The following PEX14 variants were observed in gnomAD, a reference collection of about 807,000 sequenced individuals.
The protein encoded by PEX14 is peroxisomal membrane protein PEX14.
Under a neutral mutation model 49.5 loss-of-function variants are expected in PEX14, and 15 were observed. That is an observed-to-expected ratio of 0.30 (90% CI 0.20 to 0.47). The LOEUF is 0.47. Ranked by LOEUF, PEX14 falls within the 20% of genes least tolerant of loss-of-function variation. The probability of loss-of-function intolerance (pLI) is 1.00; values close to 1 mark genes in which losing one functional copy is unlikely to be tolerated. For missense variants in PEX14, 398 were observed against 494.8 expected, an observed-to-expected ratio of 0.80 and a Z score of 1.86; for synonymous variants, 210 against 212.7, an observed-to-expected ratio of 0.99 and a Z score of 0.11.
At chr1:10,565,972 T>G (rs147943676) in intron 3 of PEX14, among the ~76,000 whole-genome samples, 2 of 152,372 alleles carry the variant, frequency 1.3e-5, no homozygotes, top group East Asian at 3.9e-4. Context: ...TTTATTTACA[T>G]GTCTGTCTAT....
intron 2 of PEX14, among the ~76,000 whole-genome samples, chr1:10,511,465 G>T (rs539300482): frequency 2.0e-5 from 3 of 152,108 alleles, no homozygotes; most frequent in Non-Finnish European, 4.4e-5. Context: ...TCTCCCCTCA[G>T]ATTTTTGTGT....
intron 1 of PEX14, among the ~76,000 whole-genome samples, chr1:10,486,927 T>G (rs1254402090): frequency 1.3e-5 from 2 of 152,048 alleles, no homozygotes; most frequent in Non-Finnish European, 2.9e-5. Context: ...GACCCTGTGA[T>G]CTGCCCACCT....
chr1:10,477,278 G>A (rs1157973599), intron 1 of PEX14, among the ~76,000 whole-genome samples: 3 of 152,030 alleles, frequency 2.0e-5, no homozygotes, highest in Non-Finnish European at 2.9e-5. Flanking sequence ...CACCGTGTTA[G>A]CCAGGATGGT....
intron 2 of PEX14, among the ~76,000 whole-genome samples, chr1:10,510,850 G>C (rs1261262352): frequency 6.6e-6 from 1 of 152,222 alleles, no homozygotes; most frequent in Non-Finnish European, 1.5e-5. Context: ...CCGATGTTCA[G>C]TGGATGACTG....
intron 3 of PEX14, among the ~76,000 whole-genome samples, chr1:10,561,141 A>G (rs1416125584): frequency 6.6e-6 from 1 of 152,218 alleles, no homozygotes; most frequent in African/African-American, 2.4e-5. Flanking sequence ...TTACTTCAGC[A>G]TATACCTCCT....
intron 5 of PEX14, among the ~76,000 whole-genome samples, chr1:10,622,620 G>A (rs1048284286): frequency 5.9e-5 from 9 of 152,120 alleles, no homozygotes; most frequent in Admixed American, 1.3e-4. Context: ...CGCCTCCCTC[G>A]CCTCCTGGAG....
At chr1:10,505,270 A>G (rs897180217) in intron 2 of PEX14, among the ~76,000 whole-genome samples, 2 of 151,994 alleles carry the variant, frequency 1.3e-5, no homozygotes, top group African/African-American at 4.8e-5. Context: ...AGGAGTTTTG[A>G]GATCAGCCTG....
intron 7 of PEX14, among the ~76,000 whole-genome samples, chr1:10,626,224 G>A (rs1641740931): frequency 6.6e-6 from 1 of 152,178 alleles, no homozygotes; most frequent in East Asian, 1.9e-4. Context: ...TATGCGTTTG[G>A]AAATCTGAGT....
At chr1:10,504,691 C>T (rs1378907202) in intron 2 of PEX14, among the ~76,000 whole-genome samples, 1 of 152,206 alleles carries the variant, frequency 6.6e-6, no homozygotes, top group Non-Finnish European at 1.5e-5. Context: ...GACAATCAAG[C>T]ACACAAGTTG....
At chr1:10,536,012 GATAC>G in intron 2 of PEX14, 197 bp from the exon 3 acceptor site, 1 of 579,288 alleles carries the variant, frequency 1.7e-6, no homozygotes, top group Non-Finnish European at 3.2e-6. Flanking sequence ...GACAGACTCA[GATAC>G]AGGAAGCCAG....
chr1:10,596,398 G>A (rs145866346), intron 3 of PEX14, among the ~76,000 whole-genome samples: 2 of 152,280 alleles, frequency 1.3e-5, no homozygotes, highest in East Asian at 3.9e-4. Context: ...AGGAGCCAGG[G>A]GTTAAGTTCC....
At chr1:10,608,266 G>A (rs767934416) in intron 4 of PEX14, among the ~76,000 whole-genome samples, 11 of 152,202 alleles carry the variant, frequency 7.2e-5, no homozygotes, top group Non-Finnish European at 7.3e-5. Flanking sequence ...AATGGTGTGA[G>A]GTGAAGGTCA....
rs575237865 is a variant in PEX14, at chr1:10,512,657, C to A, written c.84+17336C>A. Among the ~76,000 whole-genome samples the A allele has an allele frequency of 1.3e-5, 2 of 151,752 alleles. No individual in the cohort carries two copies. Among genetic ancestry groups the A allele is most frequent in the Non-Finnish European group, 2.9e-5 (2 of 67,960 alleles). ...AACAATATATTCAGATGCATAGGAT[C>A]GTTTTTAAATGAAATGCTCCCTGTT... On this transcript the variant is annotated intron_variant, in intron 2 of 8. Coordinates refer to ENST00000356607, the MANE Select transcript of PEX14 (RefSeq NM_004565.3). This position sits in a 1 kb window ranked among gnomAD's most constrained non-coding sequence, Gnocchi z 4.6.
intron 5 of PEX14, among the ~76,000 whole-genome samples, chr1:10,619,048 C>A (rs1401549181): frequency 6.6e-6 from 1 of 152,226 alleles, no homozygotes; most frequent in Admixed American, 6.5e-5. Context: ...TCTTTTTGCT[C>A]TGTCTGTTGT....
intron 3 of PEX14, among the ~76,000 whole-genome samples, chr1:10,585,268 G>A (rs1640447236): frequency 6.6e-6 from 1 of 152,130 alleles, no homozygotes; most frequent in African/African-American, 2.4e-5. Flanking sequence ...TAGTAACTTT[G>A]CAGTAGAGAA....
At chr1:10,516,485 G>C (rs1028498652) in intron 2 of PEX14, among the ~76,000 whole-genome samples, 2 of 152,326 alleles carry the variant, frequency 1.3e-5, no homozygotes, top group South Asian at 2.1e-4. Context: ...ATTATTGCCA[G>C]GTCCGTGGGA....
intron 3 of PEX14, among the ~76,000 whole-genome samples, chr1:10,568,227 G>A (rs1456121430): frequency 6.6e-6 from 1 of 150,976 alleles, no homozygotes; most frequent in Non-Finnish European, 1.5e-5. Flanking sequence ...AACGTATGAT[G>A]TGTTTCTGAT....
chr1:10,584,734 A>G (rs1640429646), intron 3 of PEX14, among the ~76,000 whole-genome samples: 1 of 152,258 alleles, frequency 6.6e-6, no homozygotes, highest in Admixed American at 6.5e-5. Context: ...AGACATTTCC[A>G]GGCAAACAAA....
At chr1:10,492,472 A>G (rs541717627) in intron 1 of PEX14, among the ~76,000 whole-genome samples, 2 of 152,362 alleles carry the variant, frequency 1.3e-5, no homozygotes, top group African/African-American at 4.8e-5. Flanking sequence ...AGAAGGGTTC[A>G]AATCCCTGTA....
Sources: gnomAD v4.1 joint callset for allele counts (sites outside exome capture counted in the v4.1 genomes callset) on GRCh38, gnomAD v4.1.1 for gene constraint, Gnocchi (gnomAD v3.1) non-coding constraint, MANE v1.5 for transcripts, NCBI Gene and HGNC (gene_info 2026-07-23, HGNC 2026-07-21) for gene names.